BCL7A: variants seen among roughly 807,000 people sequenced by gnomAD.
BCL7A encodes BAF chromatin remodeling complex subunit BCL7A, also known as B-cell CLL/lymphoma 7 protein family member A.
A neutral mutation model predicts 28.4 loss-of-function variants in BCL7A; 11 were observed. The ratio of observed to expected loss-of-function variants is 0.39; its 90% CI spans 0.24 to 0.64. The LOEUF (loss-of-function observed/expected upper bound fraction) is 0.64, where lower values mean the gene tolerates loss of function less well. Ranked by LOEUF, BCL7A falls within the 30% of genes least tolerant of loss-of-function variation. The pLI is 0.50. For synonymous variants in BCL7A, 123 were observed against 103.3 expected, an observed-to-expected ratio of 1.19 and a Z score of -1.15; for missense variants, 222 against 274.8, an observed-to-expected ratio of 0.81 and a Z score of 1.36.
At chr12:122,045,074 G>C (rs566760668) in intron 4 of BCL7A, among the ~76,000 whole-genome samples, 32 of 152,164 alleles carry the variant, frequency 2.1e-4, no homozygotes, top group Admixed American at 9.2e-4. Context: ...GTAAGAGTGA[G>C]TGAGGAGCTG....
chr12:122,026,495 C>T (rs930247845), intron 1 of BCL7A, among the ~76,000 whole-genome samples: 1 of 152,222 alleles, frequency 6.6e-6, no homozygotes, highest in Non-Finnish European at 1.5e-5. Context: ...AGCACCTGGT[C>T]TGAGGGTTCC....
At position 122,029,262 on chromosome 12, in the gene BCL7A, C is replaced by T. The variant is rs1313149940; in HGVS notation, c.93-1438C>T. ...AAGAAAAGCCGGGCCGTAGCGTCCT[C>T]TGATGGAACACGTGGGACCCGAGCG... On this transcript the variant is annotated intron_variant, in intron 1 of 5. Transcript: ENST00000261822. This position sits in a 1 kb window ranked among gnomAD's most constrained non-coding sequence, Gnocchi z 4.3. Among the ~76,000 whole-genome samples, 3 of 152,184 alleles carry T rather than the reference C, an allele frequency of 2.0e-5. No individual in the cohort carries two copies. Among genetic ancestry groups the T allele is most frequent in the Admixed American group, 6.5e-5 (1 of 15,278 alleles).
In BCL7A at chr12:122,061,844, G is replaced by A; in HGVS notation, c.*2681G>A. On this transcript the variant is annotated 3_prime_UTR_variant, in exon 6 of 6. Transcript: ENST00000261822. Reference sequence around the variant, plus strand: ...AGCAAACGGTGTCATGGTTTGGAATGTTCATTATCGCCAAGAACCTGGTTA... The same window carrying A: ...AGCAAACGGTGTCATGGTTTGGAATATTCATTATCGCCAAGAACCTGGTTA... The A allele has an allele frequency of 4.4e-6, 1 of 224,906 alleles. No individual in the cohort carries two copies. 13.9% of individuals were successfully genotyped at this position (224,906 alleles called of 1,614,324 possible). A position where few individuals can be genotyped will look rare whatever the true frequency, so the allele number is the denominator to read the frequency against.
rs768322076 is a variant in BCL7A at position 122,030,763 on chromosome 12, G to T, written c.156G>T (p.Thr52=). 2 of 1,613,944 alleles carry T rather than the reference G, an allele frequency of 1.2e-6. No homozygotes were observed. The highest frequency in any genetic ancestry group is 2.2e-5 in the South Asian group (2 of 91,092). Residue 52 remains threonine (T), a synonymous_variant, in exon 2 of 6, where the codon ACG becomes ACT. Transcript: ENST00000261822. ...SLRIYKWVPV[T]EPKVDDKNKN... is the part of the protein sequence containing the mutation. Reference sequence around the variant, plus strand: ...GAATCTACAAATGGGTCCCTGTGACGGAGCCCAAGGTTGATGACGTGAGTA... The same window carrying T: ...GAATCTACAAATGGGTCCCTGTGACTGAGCCCAAGGTTGATGACGTGAGTA...
intron 5 of BCL7A, among the ~76,000 whole-genome samples, chr12:122,057,301 A>G (rs888456229): frequency 2.0e-5 from 3 of 152,242 alleles, no homozygotes; most frequent in African/African-American, 7.2e-5. Flanking sequence ...CGGGGAGGCC[A>G]GAACCTGGTG....
chr12:122,044,659 C>CA (rs554603373), intron 4 of BCL7A, among the ~76,000 whole-genome samples: 9 of 152,012 alleles, frequency 5.9e-5, no homozygotes, highest in South Asian at 4.2e-4. Flanking sequence ...CCTGTCTCTA[C>CA]AAAAAAATGC....
chr12:122,044,705 G>C (rs902315220), intron 4 of BCL7A, among the ~76,000 whole-genome samples: 3 of 151,412 alleles, frequency 2.0e-5, no homozygotes. Flanking sequence ...ATGTGCCTGT[G>C]GTCCCAGCTA....
intron 4 of BCL7A, among the ~76,000 whole-genome samples, chr12:122,044,900 C>T (rs369360404): frequency 2.6e-4 from 40 of 152,020 alleles, no homozygotes; most frequent in Non-Finnish European, 5.0e-4. Context: ...ATAAGTGTGG[C>T]AGAGAATTAT....
intron 4 of BCL7A, among the ~76,000 whole-genome samples, chr12:122,050,023 G>A (rs1049141134): frequency 5.3e-5 from 8 of 152,132 alleles, no homozygotes; most frequent in East Asian, 3.9e-4. Flanking sequence ...CACCCAGGGC[G>A]GAGTGCAGTG....
At position 122,029,945 on chromosome 12, in the gene BCL7A, C is replaced by T. The variant is rs1444118391; in HGVS notation, c.93-755C>T. ...GAATGAAAACCAGTCCTGTTTGCTT[C>T]TGTGGCTTGTAAGTTTCTCCTCATC... On this transcript the variant is annotated intron_variant, in intron 1 of 5. Transcript: ENST00000261822. This position sits in a 1 kb window ranked among gnomAD's most constrained non-coding sequence, Gnocchi z 4.3. Among the ~76,000 whole-genome samples, 1 of 152,138 alleles carries T rather than the reference C, an allele frequency of 6.6e-6. No homozygotes were observed. The highest frequency in any genetic ancestry group is 6.5e-5 in the Admixed American group (1 of 15,272).
intron 5 of BCL7A, among the ~76,000 whole-genome samples, chr12:122,058,734 A>G (rs1951895345): frequency 6.6e-6 from 1 of 152,170 alleles, no homozygotes; most frequent in East Asian, 1.9e-4. Flanking sequence ...TGAATCATAG[A>G]TGGGAAGATT....
chr12:122,057,000 A>C (rs544700034), intron 5 of BCL7A, among the ~76,000 whole-genome samples: 1 of 152,294 alleles, frequency 6.6e-6, no homozygotes, highest in African/African-American at 2.4e-5. Context: ...GGCTATACCT[A>C]ATCCCTGCCT....
chr12:122,045,353 T>C (rs533373749), intron 4 of BCL7A, among the ~76,000 whole-genome samples: 5 of 152,130 alleles, frequency 3.3e-5, no homozygotes, highest in South Asian at 2.1e-4. Flanking sequence ...TGCACTCCAG[T>C]CTGGGCGATA....
intron 3 of BCL7A, among the ~76,000 whole-genome samples, chr12:122,043,433 G>C (rs1884001082): frequency 6.8e-6 from 1 of 146,102 alleles, no homozygotes; most frequent in Non-Finnish European, 1.5e-5. Context: ...CAGGGGGCGG[G>C]AGTGAGCTCA....
At chr12:122,023,282 A>G (rs1883518140) in intron 1 of BCL7A, among the ~76,000 whole-genome samples, 1 of 151,944 alleles carries the variant, frequency 6.6e-6, no homozygotes, top group African/African-American at 2.4e-5. Flanking sequence ...TCCCGGAGGG[A>G]GAGGAGCCGC....
intron 1 of BCL7A, among the ~76,000 whole-genome samples, chr12:122,022,824 A>G (rs1301229650): frequency 6.6e-6 from 1 of 151,548 alleles, no homozygotes; most frequent in Admixed American, 6.6e-5. Flanking sequence ...GCGACCAGGA[A>G]AGATGGGGGC....
intron 1 of BCL7A, among the ~76,000 whole-genome samples, chr12:122,027,397 A>G (rs1408055378): frequency 6.6e-6 from 1 of 152,190 alleles, no homozygotes; most frequent in Non-Finnish European, 1.5e-5. Context: ...AGTGGGGCCC[A>G]TGTGTGGTGG....
At chr12:122,058,203 A>G (rs1273241553) in intron 5 of BCL7A, among the ~76,000 whole-genome samples, 2 of 152,132 alleles carry the variant, frequency 1.3e-5, no homozygotes, top group East Asian at 3.9e-4. Context: ...TCTAAAAAAA[A>G]TTATAAAAAG....
In BCL7A at chr12:122,029,758, C is replaced by A. The variant is rs1288524324; in HGVS notation, c.93-942C>A. The stretch of plus-strand genomic sequence containing the variant: ...CTGGGAGGCTCTCCTGAGCCTCAGT[C>A]CCCTCAGGGGTGTGGCTGCTGGGTC... On this transcript the variant is annotated intron_variant, in intron 1 of 5. Coordinates refer to ENST00000261822, the MANE Select transcript of BCL7A (RefSeq NM_001024808.3). The surrounding 1 kb of genome is among the most constrained non-coding windows in gnomAD (Gnocchi z 4.3). 6.6e-6 allele frequency among the ~76,000 whole-genome samples: 1 copy of A among 152,140 alleles called. No individual in the cohort carries two copies. The highest frequency in any genetic ancestry group is 1.5e-5 in the Non-Finnish European group (1 of 68,026).
Sources: gnomAD v4.1 joint callset for allele counts (sites outside exome capture counted in the v4.1 genomes callset) on GRCh38, gnomAD v4.1.1 for gene constraint, Gnocchi (gnomAD v3.1) non-coding constraint, MANE v1.5 for transcripts, NCBI Gene and HGNC (gene_info 2026-07-23, HGNC 2026-07-21) for gene names.